The following ACADM variants were observed in gnomAD, a reference collection of about 807,000 sequenced individuals.
The protein encoded by ACADM is medium-chain specific acyl-CoA dehydrogenase, mitochondrial.
A neutral mutation model predicts 58.9 loss-of-function variants in ACADM; 49 were observed. The ratio of observed to expected loss-of-function variants is 0.83; its 90% CI spans 0.66 to 1.06. ACADM has a LOEUF of 1.06. ACADM is among the 50% of genes least tolerant of loss of function. ACADM has a pLI of 0.00. For missense variants in ACADM, 496 were observed against 507.0 expected, an observed-to-expected ratio of 0.98 and a Z score of 0.21; for synonymous variants, 160 against 157.7, an observed-to-expected ratio of 1.01 and a Z score of -0.11.
At chr1:75,729,301 T>TC (rs1233314340) in intron 2 of ACADM, among the ~76,000 whole-genome samples, 2 of 146,958 alleles carry the variant, frequency 1.4e-5, no homozygotes, top group African/African-American at 2.5e-5. Flanking sequence ...TTTTCTTTTT[T>TC]TTTTTTTTTT....
intron 11 of ACADM, among the ~76,000 whole-genome samples, chr1:75,762,260 C>G (rs1453802814): frequency 1.3e-5 from 2 of 151,440 alleles, no homozygotes; most frequent in East Asian, 3.9e-4. Flanking sequence ...CTTCCAGCAT[C>G]TTTTTCTTTA....
chr1:75,727,964 G>A (rs1647082067), intron 1 of ACADM, among the ~76,000 whole-genome samples: 1 of 152,114 alleles, frequency 6.6e-6, no homozygotes, highest in Non-Finnish European at 1.5e-5. Context: ...ATGCATGGGA[G>A]GCTCACAGTG....
intron 2 of ACADM, among the ~76,000 whole-genome samples, chr1:75,729,295 C>CTTTTTTTTTTTTTTTTTTTTTTTTTTTTT (rs35372302): frequency 1.2e-5 from 1 of 85,352 alleles, no homozygotes; most frequent in Admixed American, 1.4e-4. Context: ...TTTCTTTTTT[C>CTTTTTTTTTTTTTTTTTTTTTTTTTTTTT]TTTTTTTTTT....
At chr1:75,731,304 AAG>A (rs1323160581) in intron 2 of ACADM, among the ~76,000 whole-genome samples, 47 of 139,266 alleles carry the variant, frequency 3.4e-4, no homozygotes, top group African/African-American at 1.3e-3. Flanking sequence ...AAAAAAAAAA[AAG>A]AGATTTGATC....
chr1:75,751,482 C>T (rs567888782), intron 10 of ACADM, among the ~76,000 whole-genome samples: 1 of 148,702 alleles, frequency 6.7e-6, no homozygotes, highest in Non-Finnish European at 1.5e-5. Flanking sequence ...GTCACAGATC[C>T]AGGATCCTTG....
Position 75,737,311 on chromosome 1 carries a change from T to TATATATATATATATAC in ACADM, c.468+2455_468+2456insCATATATATATATATA, listed in dbSNP as rs1557448520. Among the ~76,000 whole-genome samples, 125 of 101,272 alleles carry TATATATATATATATAC rather than the reference T, an allele frequency of 1.2e-3. 3 individuals are homozygous for TATATATATATATATAC. The highest frequency in any genetic ancestry group is 2.7e-3 in the African/African-American group (72 of 26,902). 66.4% of individuals were successfully genotyped at this position (101,272 alleles called of 152,430 possible). On this transcript the variant is annotated intron_variant, in intron 6 of 11. Coordinates refer to ENST00000370841, the MANE Select transcript of ACADM (RefSeq NM_000016.6). ...ATATATATATATATATATATATATATATATATATATATATATGAAACCAAA... is the reference window on the plus strand; with the variant it reads ...ATATATATATATATATATATATATATATATATATATATATACATATATATATATATATGAAACCAAA...
rs374608024 is a variant in ACADM at position 75,755,741 on chromosome 1, G to A, written c.945+5195G>A. Among the ~76,000 whole-genome samples the A allele has an allele frequency of 4.3e-4, 66 of 152,328 alleles. 1 individual carries two copies. The highest frequency in any genetic ancestry group is 8.4e-4 in the African/African-American group (35 of 41,574). On this transcript the variant is annotated intron_variant, in intron 10 of 11. Coordinates refer to ENST00000370841, the MANE Select transcript of ACADM (RefSeq NM_000016.6). ...AGGAATGCAGCTCCTCGCCAGCAAC[G>A]GAAGAAAGCTGGATGGAGAATGACG...
intron 8 of ACADM, 28 bp downstream of exon 8, chr1:75,745,942 C>T: frequency 1.4e-6 from 2 of 1,472,452 alleles, no homozygotes; most frequent in Non-Finnish European, 1.9e-6. Context: ...GATTAGGGCC[C>T]CAAATATTAT....
In ACADM at chr1:75,763,005, G is replaced by A. The variant is rs1648936951; in HGVS notation, c.*242G>A. On this transcript the variant is annotated 3_prime_UTR_variant, in exon 12 of 12. Transcript: ENST00000370841. ...ACTTTACTTGAATTACATTAACCTA[G>A]AAAACTACATAGGTTATTTTGATCT... 1 of 329,410 alleles carries A rather than the reference G, an allele frequency of 3.0e-6. No individual in the cohort carries two copies. Among genetic ancestry groups the A allele is most frequent in the Non-Finnish European group, 5.6e-6 (1 of 177,820 alleles). 20.4% of individuals were successfully genotyped at this position (329,410 alleles called of 1,614,324 possible).
At chr1:75,733,875 G>A (rs575301522) in intron 5 of ACADM, among the ~76,000 whole-genome samples, 4 of 152,308 alleles carry the variant, frequency 2.6e-5, no homozygotes, top group African/African-American at 9.6e-5. Context: ...TCCTTTGGAG[G>A]AAACTGTATA....
chr1:75,742,005 A>C (rs931698142), intron 7 of ACADM, among the ~76,000 whole-genome samples: 2 of 152,212 alleles, frequency 1.3e-5, no homozygotes, highest in African/African-American at 2.4e-5. Flanking sequence ...ATGGATCTCC[A>C]TTTTATTTAT....
At chr1:75,744,313 G>A (rs751069059) in intron 7 of ACADM, 227 of 1,613,416 alleles carry the variant, frequency 1.4e-4, no homozygotes, top group African/African-American at 1.1e-3. Context: ...AGCTTCAGCC[G>A]GCTTGGCCTT....
In ACADM at chr1:75,751,213, G is replaced by A. The variant is rs1339641832; in HGVS notation, c.945+667G>A. On this transcript the variant is annotated intron_variant, in intron 10 of 11. Transcript: ENST00000370841. ...AAATTAGCCGAGCATGGTGGTGGGCGCCTGTAGTCCCAGCTACTCGGGAGG... is the reference window on the plus strand; with the variant it reads ...AAATTAGCCGAGCATGGTGGTGGGCACCTGTAGTCCCAGCTACTCGGGAGG... 8.6e-5 allele frequency among the ~76,000 whole-genome samples: 13 copies of A among 151,244 alleles called. No individual in the cohort carries two copies. In the South Asian group the frequency reaches 1.0e-3, roughly 12 times the overall value.
chr1:75,727,005 A>C (rs1484461232), intron 1 of ACADM, among the ~76,000 whole-genome samples: 2 of 151,932 alleles, frequency 1.3e-5, no homozygotes, highest in Non-Finnish European at 2.9e-5. Flanking sequence ...GGGTTTCACC[A>C]TGTTGGTCAG....
chr1:75,749,305 C>T, intron 8 of ACADM, 114 bp from the exon 9 acceptor site: 1 of 1,061,266 alleles, frequency 9.4e-7, no homozygotes, highest in Non-Finnish European at 1.4e-6. Flanking sequence ...TTGCAGACTA[C>T]AGTTTGTTGA....
intron 7 of ACADM, chr1:75,743,299 C>T: frequency 8.8e-7 from 1 of 1,131,370 alleles, no homozygotes; most frequent in Non-Finnish European, 1.3e-6. Context: ...GCTCTGCTTC[C>T]TTGCTTGAGG....
chr1:75,749,801 G>A (rs985608161), intron 9 of ACADM, among the ~76,000 whole-genome samples: 18 of 143,570 alleles, frequency 1.3e-4, no homozygotes, highest in Admixed American at 9.6e-4. Flanking sequence ...CAACCTTCAC[G>A]TCCTGGGTTC....
intron 6 of ACADM, 56 bp downstream of exon 6, chr1:75,734,927 A>G: frequency 2.2e-6 from 3 of 1,348,132 alleles, no homozygotes; most frequent in Admixed American, 1.7e-5. Flanking sequence ...CAAAGGTGCT[A>G]TTTCTCCTTT....
chr1:75,752,450 G>A (rs1364855251), intron 10 of ACADM, among the ~76,000 whole-genome samples: 1 of 152,296 alleles, frequency 6.6e-6, no homozygotes, highest in East Asian at 1.9e-4. Context: ...AATTGGCACT[G>A]TGGACAAACT....
Sources: allele counts gnomAD v4.1 joint callset (sites outside exome capture counted in the v4.1 genomes callset), GRCh38; gene constraint gnomAD v4.1.1; transcripts MANE v1.5; gene names NCBI Gene and HGNC (gene_info 2026-07-23, HGNC 2026-07-21).